Variants in EML6 observed in about 807,000 individuals in gnomAD.
The protein encoded by EML6 is echinoderm microtubule-associated protein-like 6.
In EML6, 154 loss-of-function variants were observed where a neutral mutation model predicts 240.1. The observed-to-expected ratio is 0.64, with a 90% CI of 0.56 to 0.73. The LOEUF is 0.73. Among genes scored for constraint, EML6 ranks in the 30% least tolerant of loss-of-function variants. The pLI is 0.00. For synonymous variants in EML6, 1,148 were observed against 899.0 expected (o/e 1.28, Z -4.95); for missense variants, 2,964 against 2,474.6 (o/e 1.20, Z -4.20).
In EML6 at chr2:54,933,966, C is replaced by G. The variant is rs74837345; in HGVS notation, c.4004+5215C>G. 4.9e-3 allele frequency among the ~76,000 whole-genome samples: 742 copies of G among 152,132 alleles called. 2 individuals carry two copies. The highest frequency in any genetic ancestry group is 7.4e-3 in the Non-Finnish European group (504 of 67,998). ...TTGCCAAATAGTGGTAAAGAGAGGA[C>G]AGAATGAAGATAATTTTTTTGAATC... On this transcript the variant is annotated intron_variant, in intron 28 of 41. Transcript: ENST00000356458.
intron 2 of EML6, among the ~76,000 whole-genome samples, chr2:54,805,471 C>T (rs950870732): frequency 3.3e-5 from 5 of 152,180 alleles, no homozygotes; most frequent in African/African-American, 1.2e-4. Flanking sequence ...TTGGTATTAT[C>T]AGTCTTTTTA....
intron 2 of EML6, among the ~76,000 whole-genome samples, chr2:54,801,256 A>C (rs1192792841): frequency 6.7e-6 from 1 of 149,042 alleles, no homozygotes; most frequent in East Asian, 2.0e-4. Context: ...TGGAGCTTGC[A>C]GTGAGCCGAG....
chr2:54,738,328 A>T (rs1176123391), intron 2 of EML6, among the ~76,000 whole-genome samples: 1 of 152,194 alleles, frequency 6.6e-6, no homozygotes, highest in African/African-American at 2.4e-5. Flanking sequence ...TTCTGCTTAG[A>T]ATAGGACTTC....
intron 29 of EML6, among the ~76,000 whole-genome samples, chr2:54,949,935 G>A (rs1044206165): frequency 1.3e-5 from 2 of 152,156 alleles, no homozygotes; most frequent in African/African-American, 4.8e-5. Flanking sequence ...TATCTTTTCT[G>A]TAGAGTCTTT....
intron 32 of EML6, among the ~76,000 whole-genome samples, chr2:54,955,603 T>A (rs1274889262): frequency 1.3e-5 from 2 of 152,194 alleles, no homozygotes; most frequent in African/African-American, 2.4e-5. Flanking sequence ...GGCCTTGTCT[T>A]TTTAGGTTCA....
chr2:54,831,711 A>C (rs1204647251), intron 7 of EML6, among the ~76,000 whole-genome samples: 1 of 152,128 alleles, frequency 6.6e-6, no homozygotes, highest in Non-Finnish European at 1.5e-5. Flanking sequence ...GGTAGCCTGC[A>C]TTTTGTAGGG....
At chr2:54,922,933 C>CTTT (rs36078208) in intron 26 of EML6, among the ~76,000 whole-genome samples, 117 of 73,802 alleles carry the variant, frequency 1.6e-3, no homozygotes, top group African/African-American at 2.1e-3. Flanking sequence ...AGGGTATAAA[C>CTTT]TTTTTTTTTT....
At chr2:54,775,253 C>T (rs1258754120) in intron 2 of EML6, among the ~76,000 whole-genome samples, 3 of 152,214 alleles carry the variant, frequency 2.0e-5, no homozygotes, top group African/African-American at 7.2e-5. Flanking sequence ...GAGTCCTTGC[C>T]ATTCCTCGCT....
Position 54,970,148 on chromosome 2 carries a change from C to T in EML6, c.*53C>T, listed in dbSNP as rs975835666. ...TGCTGCTGCTACCAGCCAGCAACTG[C>T]AGAGGCCATGCTGAGGTGCCTCCTT... is the stretch of plus-strand genomic sequence containing the variant. On this transcript the variant is annotated 3_prime_UTR_variant, in exon 42 of 42. Coordinates refer to ENST00000356458, the MANE Select transcript of EML6 (RefSeq NM_001039753.4). 9 of 1,540,234 alleles carry T rather than the reference C, an allele frequency of 5.8e-6. No individual in the cohort carries two copies. In the Admixed American group the frequency reaches 5.9e-5, roughly 10 times the overall value.
At chr2:54,940,484 T>A (rs1046490114) in intron 28 of EML6, among the ~76,000 whole-genome samples, 2 of 152,214 alleles carry the variant, frequency 1.3e-5, no homozygotes, top group African/African-American at 4.8e-5. Flanking sequence ...ATAAACTGTG[T>A]AGGATTATCA....
intron 28 of EML6, among the ~76,000 whole-genome samples, chr2:54,944,742 T>A: frequency 6.6e-6 from 1 of 152,066 alleles, no homozygotes; most frequent in East Asian, 1.9e-4. Context: ...TCTGCCTGAA[T>A]CCTTTCCATC....
chr2:54,809,277 C>G (rs1670663706), intron 2 of EML6, among the ~76,000 whole-genome samples: 1 of 152,152 alleles, frequency 6.6e-6, no homozygotes, highest in Non-Finnish European at 1.5e-5. Flanking sequence ...TAAGTAGTGT[C>G]CATACTTCCA....
At chr2:54,929,999 G>C (rs1383306039) in intron 28 of EML6, among the ~76,000 whole-genome samples, 1 of 151,852 alleles carries the variant, frequency 6.6e-6, no homozygotes, top group African/African-American at 2.4e-5. Context: ...GGGGAAAAAA[G>C]AACCATATGC....
chr2:54,897,924 G>C (rs1383584378), intron 21 of EML6, among the ~76,000 whole-genome samples: 1 of 152,180 alleles, frequency 6.6e-6, no homozygotes, highest in Non-Finnish European at 1.5e-5. Context: ...AGGAACTGTA[G>C]AGGCAGTGTG....
At chr2:54,950,560 C>A in intron 29 of EML6, 90 bp from the exon 30 acceptor site, 1 of 1,427,784 alleles carries the variant, frequency 7.0e-7, no homozygotes, top group Non-Finnish European at 9.5e-7. Context: ...GTTCCTGGGA[C>A]ACACGAGGCT....
intron 5 of EML6, among the ~76,000 whole-genome samples, chr2:54,821,728 G>C (rs1668343763): frequency 6.6e-6 from 1 of 152,054 alleles, no homozygotes; most frequent in South Asian, 2.1e-4. Flanking sequence ...TGACAACTTA[G>C]AGTATAATAG....
intron 2 of EML6, among the ~76,000 whole-genome samples, chr2:54,789,399 AG>A (rs1669280371): frequency 1.3e-5 from 2 of 151,174 alleles, no homozygotes; most frequent in Admixed American, 6.6e-5. Context: ...CTGTAGTCCC[AG>A]CTACTCGGGA....
intron 2 of EML6, among the ~76,000 whole-genome samples, chr2:54,803,779 C>G (rs1482708995): frequency 6.6e-6 from 1 of 152,098 alleles, no homozygotes; most frequent in Non-Finnish European, 1.5e-5. Context: ...TCCAGGATTT[C>G]AGTTTTGAAA....
intron 2 of EML6, among the ~76,000 whole-genome samples, chr2:54,786,243 A>G (rs1183415923): frequency 6.6e-6 from 1 of 152,110 alleles, no homozygotes; most frequent in Non-Finnish European, 1.5e-5. Flanking sequence ...CCTGTCTTCA[A>G]GGAGGGTCAT....
Sources: gnomAD v4.1 joint callset for allele counts (sites outside exome capture counted in the v4.1 genomes callset) on GRCh38, gnomAD v4.1.1 for gene constraint, MANE v1.5 for transcripts, NCBI Gene and HGNC (gene_info 2026-07-23, HGNC 2026-07-21) for gene names.